The following LCN12 variants were observed in gnomAD, a reference collection of about 807,000 sequenced individuals.
The protein encoded by LCN12 is lipocalin 12.
A neutral mutation model predicts 23.7 loss-of-function variants in LCN12; 15 were observed. The observed-to-expected ratio is 0.63, with a 90% CI of 0.42 to 0.97. The LOEUF is 0.97. Among genes scored for constraint, LCN12 ranks in the 50% least tolerant of loss-of-function variants. The pLI is 0.00. For missense variants in LCN12, 219 were observed against 249.6 expected (o/e 0.88, Z 0.83); for synonymous variants, 116 against 111.5 (o/e 1.04, Z -0.25).
At chr9:136,951,596 A>C (rs991324645), upstream of LCN12, among the ~76,000 whole-genome samples, 3 of 151,990 alleles carry the variant, frequency 2.0e-5, no homozygotes, top group African/African-American at 7.3e-5. Context: ...TGGGGTGCCC[A>C]CTCCCATTAG....
In LCN12 at chr9:136,954,223, C is replaced by T. The variant is rs780540006; in HGVS notation, c.518C>T (p.Ser173Leu). The change falls in exon 5 of 6, where the codon TCG becomes TTG. Residue 173 changes from serine (S) to leucine (L), a missense_variant. Transcript: ENST00000371633. ...TGCCTGGGCAGAGCTCAGGGCCTCT[C>T]GGATGACAACATCGTCTTCCCAGAT... ...FICLGRAQGL[S>L]DDNIVFPDVT... 63 of 1,577,802 alleles carry T rather than the reference C, an allele frequency of 4.0e-5. No individual in the cohort carries two copies. The highest frequency in any genetic ancestry group is 2.1e-4 in the East Asian group (9 of 42,852).
upstream of LCN12, among the ~76,000 whole-genome samples, chr9:136,951,931 G>A (rs373515710): frequency 6.6e-6 from 1 of 152,246 alleles, no homozygotes; most frequent in Non-Finnish European, 1.5e-5. Flanking sequence ...GGCAGGTCAC[G>A]CTGTCTGCCT....
rs1851245143 is a variant in LCN12, at chr9:136,953,965, G to C, written c.448+1G>C. ...GCCGTCCTCAGGATCAGCCTGCTGGGTGAGCCTCCCACCCCGTCCTGGGCC... is the reference window on the plus strand; with the variant it reads ...GCCGTCCTCAGGATCAGCCTGCTGGCTGAGCCTCCCACCCCGTCCTGGGCC... On this transcript the variant is annotated splice_donor_variant, in intron 4 of 5. Transcript: ENST00000371633. LOFTEE classifies it high-confidence loss of function. 2 of 1,608,146 alleles carry C rather than the reference G, an allele frequency of 1.2e-6. No homozygotes were observed. The highest frequency in any genetic ancestry group is 1.3e-5 in the African/African-American group (1 of 74,852).
At chr9:136,955,283 C>T (rs549935675) in intron 5 of LCN12, 88 bp from the exon 6 acceptor site, 1 of 1,548,532 alleles carries the variant, frequency 6.5e-7, no homozygotes, top group African/African-American at 1.4e-5. Flanking sequence ...AGCCACCTGC[C>T]CCTCCTTTGT....
intron 4 of LCN12, 80 bp downstream of exon 4, chr9:136,954,044 C>A: frequency 1.9e-6 from 3 of 1,557,890 alleles, no homozygotes; most frequent in Admixed American, 3.7e-5. Flanking sequence ...ACCCTGCCTC[C>A]CCACCCCGCC....
upstream of LCN12, chr9:136,949,401 G>C (rs1004215360): frequency 4.6e-5 from 7 of 152,260 alleles, no homozygotes; most frequent in African/African-American, 1.7e-4. Context: ...AGGCAGGGCC[G>C]ACAGGCAGGT....
At chr9:136,953,627 T>G (rs1004840666) in intron 2 of LCN12, 73 bp from the exon 3 acceptor site, 1 of 1,166,900 alleles carries the variant, frequency 8.6e-7, no homozygotes, top group Non-Finnish European at 1.2e-6. Context: ...GGCTGAAATC[T>G]CCTGAGGGGC....
downstream of LCN12, among the ~76,000 whole-genome samples, chr9:136,956,223 G>A (rs908833): frequency 2.0e-5 from 3 of 151,992 alleles, no homozygotes; most frequent in South Asian, 6.2e-4. Context: ...ACCCAGGGCG[G>A]CCATGGACCC....
upstream of LCN12, among the ~76,000 whole-genome samples, chr9:136,951,119 G>A (rs1268902336): frequency 6.6e-6 from 1 of 152,086 alleles, no homozygotes; most frequent in Non-Finnish European, 1.5e-5. Context: ...AGCACCCAGA[G>A]GCTTCAGCTA....
upstream of LCN12, among the ~76,000 whole-genome samples, chr9:136,951,930 C>T (rs1335650882): frequency 3.9e-5 from 6 of 152,234 alleles, no homozygotes; most frequent in Admixed American, 1.3e-4. Context: ...CGGCAGGTCA[C>T]GCTGTCTGCC....
At chr9:136,953,334 C>A (rs927147085) in intron 2 of LCN12, 1 of 492,488 alleles carries the variant, frequency 2.0e-6, no homozygotes, top group Non-Finnish European at 3.7e-6. Context: ...GGGCCGGGCG[C>A]GCTGGCTCAC....
intron 1 of LCN12, 98 bp downstream of exon 1, chr9:136,952,539 A>G: frequency 1.1e-6 from 1 of 888,538 alleles, no homozygotes; most frequent in Non-Finnish European, 1.7e-6. Context: ...CCAGAGAGCC[A>G]GGACCAGCCG....
chr9:136,952,856 G>GGCCCC, intron 1 of LCN12, 36 bp from the exon 2 acceptor site: 130 of 1,516,912 alleles, frequency 8.6e-5, no homozygotes, highest in Middle Eastern at 2.0e-4. Context: ...TGCCACCCCT[G>GGCCCC]CCCACCGCCG....
upstream of LCN12, among the ~76,000 whole-genome samples, chr9:136,951,920 C>T (rs910518647): frequency 1.3e-5 from 2 of 152,236 alleles, no homozygotes; most frequent in African/African-American, 4.8e-5. Context: ...CTTATGGCTG[C>T]GGCAGGTCAC....
At chr9:136,954,505 C>T (rs536682489) in intron 5 of LCN12, 10 of 567,920 alleles carry the variant, frequency 1.8e-5, no homozygotes, top group African/African-American at 1.1e-4. Flanking sequence ...CACCTCCTCC[C>T]GCCCCAGGTC....
At chr9:136,955,106 G>A (rs1851292630) in intron 5 of LCN12, 1 of 1,416,252 alleles carries the variant, frequency 7.1e-7, no homozygotes, top group African/African-American at 1.4e-5. Context: ...TCTGCAGTGA[G>A]TCTGGGGGCC....
At chr9:136,950,076 C>A (rs534165327), upstream of LCN12, among the ~76,000 whole-genome samples, 342 of 152,356 alleles carry the variant, frequency 2.2e-3, 2 homozygotes, top group African/African-American at 7.9e-3. Flanking sequence ...CTGCACGGCC[C>A]GTTCCAGCGC....
At chr9:136,956,387 G>C (rs1386556912), downstream of LCN12, among the ~76,000 whole-genome samples, 2 of 152,196 alleles carry the variant, frequency 1.3e-5, no homozygotes, top group Admixed American at 6.5e-5. Flanking sequence ...TGGGCAGGCT[G>C]TACAGGATCC....
chr9:136,950,244 A>G (rs1851120056), upstream of LCN12, among the ~76,000 whole-genome samples: 1 of 152,114 alleles, frequency 6.6e-6, no homozygotes, highest in Non-Finnish European at 1.5e-5. Flanking sequence ...CGTGTCCGGG[A>G]GGCTCCTGCA....
Sources: gnomAD v4.1 joint callset for allele counts (sites outside exome capture counted in the v4.1 genomes callset) on GRCh38, gnomAD v4.1.1 for gene constraint, MANE v1.5 for transcripts, NCBI Gene and HGNC (gene_info 2026-07-23, HGNC 2026-07-21) for gene names.